Variants in CEP112 observed in about 807,000 individuals in gnomAD.
CEP112 encodes the protein centrosomal protein 112.
A neutral mutation model predicts 153.0 loss-of-function variants in CEP112; 127 were observed. That is an observed-to-expected ratio of 0.83 (90% CI 0.72 to 0.96). The LOEUF (loss-of-function observed/expected upper bound fraction) is 0.96, where lower values mean the gene tolerates loss of function less well. Among genes scored for constraint, CEP112 ranks in the 40% least tolerant of loss-of-function variants. The pLI, the probability that CEP112 is intolerant of heterozygous loss-of-function variation, is 0.00. For synonymous variants in CEP112, 358 were observed against 374.4 expected, an observed-to-expected ratio of 0.96 and a Z score of 0.51; for missense variants, 1,089 against 1,101.2, an observed-to-expected ratio of 0.99 and a Z score of 0.16.
chr17:65,880,449 G>A (rs1189940757), intron 20 of CEP112, among the ~76,000 whole-genome samples: 1 of 152,178 alleles, frequency 6.6e-6, no homozygotes, highest in Non-Finnish European at 1.5e-5. Flanking sequence ...TAAAAAATGG[G>A]GGGGGCTATC....
chr17:65,641,907 A>AGGTTCCT (rs2045157724), intron 24 of CEP112, among the ~76,000 whole-genome samples: 1 of 152,166 alleles, frequency 6.6e-6, no homozygotes, highest in South Asian at 2.1e-4. Flanking sequence ...GGGCATAGGA[A>AGGTTCCT]GGTTCCTGGT....
intron 6 of CEP112, 143 bp downstream of exon 6, chr17:66,129,603 C>T (rs2070031151): frequency 1.1e-5 from 6 of 521,910 alleles, no homozygotes; most frequent in Non-Finnish European, 2.0e-5. Flanking sequence ...ATTTCCTATA[C>T]TTAAGCCCTT....
At chr17:65,734,181 G>A (rs931902375) in intron 23 of CEP112, among the ~76,000 whole-genome samples, 1 of 152,194 alleles carries the variant, frequency 6.6e-6, no homozygotes, top group African/African-American at 2.4e-5. Context: ...GATGAACGAG[G>A]TTGGCACGAG....
chr17:65,937,259 G>A (rs573743016), intron 18 of CEP112, among the ~76,000 whole-genome samples: 2 of 94,444 alleles, frequency 2.1e-5, no homozygotes, highest in African/African-American at 3.7e-5. Context: ...AGTGAGGAGC[G>A]TCTCTGCCTG....
chr17:65,970,480 C>CATGCATGCACACTACATGCATATTAT, intron 17 of CEP112, among the ~76,000 whole-genome samples: 1 of 67,404 alleles, frequency 1.5e-5, no homozygotes, highest in Non-Finnish European at 3.5e-5. Flanking sequence ...ATGTATATTA[C>CATGCATGCACACTACATGCATATTAT]ATGCATGCAC....
chr17:65,816,794 T>A (rs1396512883), intron 21 of CEP112, among the ~76,000 whole-genome samples: 1 of 152,048 alleles, frequency 6.6e-6, no homozygotes, highest in African/African-American at 2.4e-5. Flanking sequence ...AGGATAATGA[T>A]AAGTTCATAA....
chr17:65,926,778 C>T (rs902587291), intron 19 of CEP112, among the ~76,000 whole-genome samples: 24 of 152,022 alleles, frequency 1.6e-4, no homozygotes, highest in African/African-American at 5.3e-4. Flanking sequence ...AATTTGTAGA[C>T]TGATGACTCA....
At position 66,112,013 on chromosome 17, in the gene CEP112, G is replaced by A. The variant is rs142409036; in HGVS notation, c.643-15381C>T. On this transcript the variant is annotated intron_variant, in intron 6 of 26. Transcript: ENST00000535342. The stretch of plus-strand genomic sequence containing the variant: ...GCCTTTAAAAATCAATGAAAAGGCC[G>A]GGTGCGGTGGCTCACACCTGTAATC... Among the ~76,000 whole-genome samples, 9 of 152,224 alleles carry A rather than the reference G, an allele frequency of 5.9e-5. No homozygotes were observed. In the East Asian group the frequency reaches 9.7e-4, roughly 16 times the overall value.
At chr17:65,838,091 T>TA (rs59684513) in intron 21 of CEP112, among the ~76,000 whole-genome samples, 15,778 of 150,418 alleles carry the variant, frequency 0.1, 1,818 homozygotes, top group East Asian at 0.67. Flanking sequence ...CAATAAATAC[T>TA]AAAAAAATTA....
chr17:66,179,330 G>A lies in CEP112; in HGVS notation c.107-2310C>T, dbSNP rs112788817. ...TTGATTATTCCAATCCATGAACATAGGGTATCTTTCTGTTTTTTTGTGTCT... is the reference window on the plus strand; with the variant it reads ...TTGATTATTCCAATCCATGAACATAAGGTATCTTTCTGTTTTTTTGTGTCT... On this transcript the variant is annotated intron_variant, in intron 2 of 26. Coordinates refer to ENST00000535342, the MANE Select transcript of CEP112 (RefSeq NM_001199165.4). 8.6e-3 allele frequency among the ~76,000 whole-genome samples: 1,307 copies of A among 152,108 alleles called. 17 individuals carry two copies. Among genetic ancestry groups the A allele is most frequent in the African/African-American group, 0.03 (1,239 of 41,504 alleles).
intron 20 of CEP112, among the ~76,000 whole-genome samples, chr17:65,871,428 G>A (rs2058666611): frequency 6.6e-6 from 1 of 152,162 alleles, no homozygotes; most frequent in Non-Finnish European, 1.5e-5. Context: ...GAGGTCAGGA[G>A]ATCAAGACCA....
intron 21 of CEP112, among the ~76,000 whole-genome samples, chr17:65,850,497 T>G (rs1432389968): frequency 6.6e-6 from 1 of 152,212 alleles, no homozygotes; most frequent in Non-Finnish European, 1.5e-5. Flanking sequence ...CTACCTTCAT[T>G]GCTATTGGCT....
chr17:65,780,493 A>G (rs1252395981), intron 21 of CEP112, among the ~76,000 whole-genome samples: 1 of 152,060 alleles, frequency 6.6e-6, no homozygotes, highest in African/African-American at 2.4e-5. Flanking sequence ...TGTGCAGAAA[A>G]TAATTTATCC....
intron 4 of CEP112, among the ~76,000 whole-genome samples, chr17:66,173,095 C>A (rs1306212828): frequency 6.6e-6 from 1 of 152,158 alleles, no homozygotes; most frequent in African/African-American, 2.4e-5. Context: ...CTCTTTTCTA[C>A]CTTTCTTCTT....
chr17:65,859,734 T>C lies in CEP112; in HGVS notation c.2164-7700A>G, dbSNP rs1367630660. On this transcript the variant is annotated intron_variant, in intron 20 of 26. Transcript: ENST00000535342. Reference sequence around the variant, plus strand: ...CATAAAAAAAAAAAACTGGGCCAGGTGCGGTGGCTCATGCCTGTAATCCCG... The same window carrying C: ...CATAAAAAAAAAAAACTGGGCCAGGCGCGGTGGCTCATGCCTGTAATCCCG... Among the ~76,000 whole-genome samples, 7 of 147,852 alleles carry C rather than the reference T, an allele frequency of 4.7e-5. No individual in the cohort carries two copies. In the Admixed American group the frequency reaches 4.7e-4, roughly 10 times the overall value.
intron 12 of CEP112, among the ~76,000 whole-genome samples, chr17:66,045,229 C>A (rs1201298484): frequency 6.6e-6 from 1 of 152,000 alleles, no homozygotes; most frequent in African/African-American, 2.4e-5. Context: ...ACTACCACGC[C>A]CGGCTAATTT....
chr17:66,002,014 A>T (rs2064075778), intron 17 of CEP112, among the ~76,000 whole-genome samples: 1 of 152,248 alleles, frequency 6.6e-6, no homozygotes, highest in South Asian at 2.1e-4. Context: ...ACAAAAATTG[A>T]AAAGAATAGT....
chr17:65,966,697 A>C (rs11079613), intron 17 of CEP112, among the ~76,000 whole-genome samples: 73,049 of 152,034 alleles, frequency 0.48, 18,546 homozygotes, highest in East Asian at 0.89. Flanking sequence ...TAAAATAACA[A>C]CTTTCATAAG....
At chr17:65,981,315 C>T (rs879468864) in intron 17 of CEP112, among the ~76,000 whole-genome samples, 5 of 152,144 alleles carry the variant, frequency 3.3e-5, no homozygotes, top group Admixed American at 6.5e-5. Flanking sequence ...TAACAGTTAA[C>T]TTATGGAAAT....
Sources: allele counts gnomAD v4.1 joint callset (sites outside exome capture counted in the v4.1 genomes callset), GRCh38; gene constraint gnomAD v4.1.1; transcripts MANE v1.5; gene names NCBI Gene and HGNC (gene_info 2026-07-23, HGNC 2026-07-21).